Variants in TCERG1L observed in about 807,000 individuals in gnomAD.
TCERG1L encodes transcription elongation regulator 1 like, also known as transcription elongation regulator 1-like protein.
A neutral mutation model predicts 56.3 loss-of-function variants in TCERG1L; 37 were observed. The ratio of observed to expected loss-of-function variants is 0.66; its 90% CI spans 0.51 to 0.87. TCERG1L has a LOEUF of 0.87. Ranked by LOEUF, TCERG1L falls within the 40% of genes least tolerant of loss-of-function variation. The probability of loss-of-function intolerance (pLI) is 0.00; values close to 1 mark genes in which losing one functional copy is unlikely to be tolerated. For missense variants in TCERG1L, 799 were observed against 774.2 expected (o/e 1.03, Z -0.38); for synonymous variants, 324 against 326.3 (o/e 0.99, Z 0.08).
At chr10:131,096,617 C>A (rs1444877427) in intron 11 of TCERG1L, among the ~76,000 whole-genome samples, 1 of 152,072 alleles carries the variant, frequency 6.6e-6, no homozygotes, top group Admixed American at 6.5e-5. Flanking sequence ...AAAACCGATG[C>A]AGGCCAGGCG....
intron 6 of TCERG1L, among the ~76,000 whole-genome samples, chr10:131,156,889 CT>C (rs1403755940): frequency 6.6e-6 from 1 of 152,178 alleles, no homozygotes; most frequent in African/African-American, 2.4e-5. Flanking sequence ...GCCGATGCCC[CT>C]GGCCGAATAA....
intron 8 of TCERG1L, among the ~76,000 whole-genome samples, chr10:131,132,740 C>A (rs1845631460): frequency 6.6e-6 from 1 of 152,218 alleles, no homozygotes; most frequent in East Asian, 1.9e-4. Flanking sequence ...GCTCCTTGTC[C>A]ATCCCCTGTG....
At chr10:131,208,429 G>T (rs1257548855) in intron 4 of TCERG1L, among the ~76,000 whole-genome samples, 1 of 152,196 alleles carries the variant, frequency 6.6e-6, no homozygotes, top group Non-Finnish European at 1.5e-5. Flanking sequence ...GAACGATGGT[G>T]AGCTCCGCAG....
rs764931287 is a variant in TCERG1L at position 131,093,161 on chromosome 10, C to T, written c.*1G>A. On this transcript the variant is annotated 3_prime_UTR_variant, in exon 12 of 12. Coordinates refer to ENST00000368642, the MANE Select transcript of TCERG1L (RefSeq NM_174937.4). ...CGGGCTTATTGCATTTTTTCACAAACTCATCTCATTTTCCGCAGCCTTAGT... is the reference window on the plus strand; with the variant it reads ...CGGGCTTATTGCATTTTTTCACAAATTCATCTCATTTTCCGCAGCCTTAGT... 3.1e-6 allele frequency: 5 copies of T among 1,611,876 alleles called. No homozygotes were observed. The highest frequency in any genetic ancestry group is 3.4e-5 in the Admixed American group (2 of 59,652).
chr10:131,292,860 T>C (rs1235466602), intron 3 of TCERG1L, among the ~76,000 whole-genome samples: 2 of 152,074 alleles, frequency 1.3e-5, no homozygotes, highest in Non-Finnish European at 2.9e-5. Flanking sequence ...TCTGGGATTT[T>C]TTTTTTTTTT....
chr10:131,127,443 A>G (rs1425238990), intron 8 of TCERG1L, among the ~76,000 whole-genome samples: 1 of 152,234 alleles, frequency 6.6e-6, no homozygotes, highest in Non-Finnish European at 1.5e-5. Flanking sequence ...AAGCAGAGGC[A>G]GACGTGAGCA....
At chr10:131,240,569 C>T (rs888354028) in intron 4 of TCERG1L, among the ~76,000 whole-genome samples, 2 of 152,098 alleles carry the variant, frequency 1.3e-5, no homozygotes, top group Non-Finnish European at 2.9e-5. Flanking sequence ...GCGTCTGTCC[C>T]GAAGGCCAGG....
Position 131,201,699 on chromosome 10 carries a change from C to CT in TCERG1L, c.857-34815dup, listed in dbSNP as rs1384888852. 5.9e-5 allele frequency among the ~76,000 whole-genome samples: 9 copies of CT among 152,292 alleles called. No individual in the cohort carries two copies. The East Asian group carries it at 1.2e-3, about 20-fold the overall frequency. On this transcript the variant is annotated intron_variant, in intron 4 of 11. Transcript: ENST00000368642. The stretch of plus-strand genomic sequence containing the variant: ...CTGCTGCTGTTGGGCATTTGGACTT[C>CT]TTTTTTATATTTAATCTCCGAATTT...
chr10:131,243,754 C>A (rs1238969554), intron 4 of TCERG1L, among the ~76,000 whole-genome samples: 1 of 152,180 alleles, frequency 6.6e-6, no homozygotes, highest in Non-Finnish European at 1.5e-5. Flanking sequence ...AGCCACCAGG[C>A]AAAATGGCAG....
chr10:131,121,161 T>C (rs12254009), intron 8 of TCERG1L, among the ~76,000 whole-genome samples: 2,810 of 152,218 alleles, frequency 0.018, 85 homozygotes, highest in African/African-American at 0.063. Flanking sequence ...GGAAGAGACA[T>C]AGACGCTGAC....
intron 9 of TCERG1L, among the ~76,000 whole-genome samples, 195 bp downstream of exon 9, chr10:131,116,603 TC>T (rs1346627299): frequency 1.3e-5 from 2 of 152,116 alleles, no homozygotes; most frequent in Non-Finnish European, 2.9e-5. Flanking sequence ...GGGGGAGGCA[TC>T]CCTCAGGCCC....
Position 131,116,947 on chromosome 10 carries a change from A to G in TCERG1L, c.1260-13T>C. 2 of 1,605,042 alleles carry G rather than the reference A, an allele frequency of 1.2e-6. No individual in the cohort carries two copies. Among genetic ancestry groups the G allele is most frequent in the Non-Finnish European group, 1.7e-6 (2 of 1,176,372 alleles). ...GCAGCCTTCGGTCCTTCAGGAACAC[A>G]AGACGCAGAGTTAGACACACTCGTG... On this transcript the variant is annotated splice_polypyrimidine_tract_variant and intron_variant, in intron 8 of 11. Transcript: ENST00000368642.
chr10:131,154,906 G>C (rs1007336560), intron 6 of TCERG1L, among the ~76,000 whole-genome samples: 1 of 152,188 alleles, frequency 6.6e-6, no homozygotes, highest in African/African-American at 2.4e-5. Context: ...TCTCCGCTTC[G>C]GGCCGTGGGC....
intron 9 of TCERG1L, among the ~76,000 whole-genome samples, chr10:131,105,303 G>C (rs187269966): frequency 2.0e-4 from 31 of 152,304 alleles, no homozygotes; most frequent in African/African-American, 7.5e-4. Context: ...GGCTGGCTGA[G>C]GTCTCCCCAC....
rs899674437 is a variant in TCERG1L at position 131,147,483 on chromosome 10, C to T, written c.1035-823G>A. Among the ~76,000 whole-genome samples the T allele has an allele frequency of 2.6e-5, 4 of 152,202 alleles. No individual in the cohort carries two copies. The South Asian group carries it at 8.3e-4, about 31-fold the overall frequency. On this transcript the variant is annotated intron_variant, in intron 6 of 11. Coordinates refer to ENST00000368642, the MANE Select transcript of TCERG1L (RefSeq NM_174937.4). ...CACGAGCAAGCGCGGCAGATAAAGG[C>T]CAGCAAGGCCGGCCGGGGCTCTGGG...
chr10:131,289,379 T>G (rs1279192646), intron 3 of TCERG1L, among the ~76,000 whole-genome samples: 1 of 152,206 alleles, frequency 6.6e-6, no homozygotes, highest in Non-Finnish European at 1.5e-5. Context: ...AAAGATACGA[T>G]ATAGTTGGAA....
At chr10:131,198,974 G>A (rs755730869) in intron 4 of TCERG1L, among the ~76,000 whole-genome samples, 2 of 152,214 alleles carry the variant, frequency 1.3e-5, no homozygotes, top group African/African-American at 2.4e-5. Flanking sequence ...CAGCTGGGGC[G>A]GCTGATGAGT....
At chr10:131,105,384 C>T (rs1845342476) in intron 9 of TCERG1L, among the ~76,000 whole-genome samples, 2 of 151,228 alleles carry the variant, frequency 1.3e-5, no homozygotes, top group East Asian at 3.9e-4. Flanking sequence ...CTTAGGGGTA[C>T]AGGTTGTGCT....
At chr10:131,102,731 A>G (rs1845315830) in intron 10 of TCERG1L, among the ~76,000 whole-genome samples, 1 of 152,114 alleles carries the variant, frequency 6.6e-6, no homozygotes, top group African/African-American at 2.4e-5. Flanking sequence ...GACCGCACAC[A>G]TGGAGTCTAA....
Sources: gnomAD v4.1 joint callset for allele counts (sites outside exome capture counted in the v4.1 genomes callset) on GRCh38, gnomAD v4.1.1 for gene constraint, MANE v1.5 for transcripts, NCBI Gene and HGNC (gene_info 2026-07-23, HGNC 2026-07-21) for gene names.